Variants in RAB37 observed in about 807,000 individuals in gnomAD.
RAB37 encodes the protein ras-related protein Rab-37.
Under a neutral mutation model 33.1 loss-of-function variants are expected in RAB37, and 29 were observed. The ratio of observed to expected loss-of-function variants is 0.88; its 90% CI spans 0.65 to 1.20. RAB37 has a LOEUF of 1.20. RAB37 is among the 50% of genes most tolerant of loss of function. The pLI, the probability that RAB37 is intolerant of heterozygous loss-of-function variation, is 0.00. For missense variants in RAB37, 299 were observed against 301.1 expected, an observed-to-expected ratio of 0.99 and a Z score of 0.05; for synonymous variants, 128 against 119.5, an observed-to-expected ratio of 1.07 and a Z score of -0.47.
chr17:74,706,282 A>ATAT (rs1555586594), intron 1 of RAB37, among the ~76,000 whole-genome samples: 98 of 145,158 alleles, frequency 6.8e-4, no homozygotes, highest in East Asian at 5.6e-3. Context: ...GGAAAAAAAA[A>ATAT]ATATATATAT....
intron 1 of RAB37, chr17:74,712,718 C>G: frequency 8.6e-7 from 1 of 1,157,680 alleles, no homozygotes; most frequent in South Asian, 1.3e-5. Flanking sequence ...ACGCACAAGG[C>G]TCATGCCATT....
chr17:74,741,577 C>T (rs2034617404), intron 2 of RAB37, among the ~76,000 whole-genome samples: 1 of 115,072 alleles, frequency 8.7e-6, no homozygotes, highest in African/African-American at 3.7e-5. Flanking sequence ...CAAAGTGAGA[C>T]TGCGTCTCAG....
chr17:74,735,904 CACCT>C (rs2034467378), upstream of RAB37, among the ~76,000 whole-genome samples: 1 of 152,280 alleles, frequency 6.6e-6, no homozygotes, highest in South Asian at 2.1e-4. Context: ...CTCACCTCCA[CACCT>C]AAGTTAAGAA....
chr17:74,713,342 G>A (rs1435724620), intron 1 of RAB37, among the ~76,000 whole-genome samples: 1 of 151,772 alleles, frequency 6.6e-6, no homozygotes, highest in Non-Finnish European at 1.5e-5. Context: ...AGAGGAAGGA[G>A]GTGGAAAGGG....
At chr17:74,686,258 A>AT (rs1239753683) in intron 1 of RAB37, among the ~76,000 whole-genome samples, 2 of 151,576 alleles carry the variant, frequency 1.3e-5, no homozygotes, top group Non-Finnish European at 2.9e-5. Flanking sequence ...TGCCTGGCTA[A>AT]TTTTTTGTAT....
intron 1 of RAB37, chr17:74,704,752 C>A (rs1448451754): frequency 7.4e-6 from 12 of 1,614,154 alleles, no homozygotes; most frequent in Non-Finnish European, 9.3e-6. Flanking sequence ...ACTGCACGGT[C>A]AAGGAGCCCC....
At chr17:74,690,652 TA>T (rs2032142044) in intron 1 of RAB37, among the ~76,000 whole-genome samples, 1 of 152,194 alleles carries the variant, frequency 6.6e-6, no homozygotes. Context: ...TCTAGCACTC[TA>T]AACTCTAGCT....
chr17:74,723,212 T>C (rs533747171), intron 1 of RAB37, among the ~76,000 whole-genome samples: 2 of 152,332 alleles, frequency 1.3e-5, no homozygotes, highest in African/African-American at 4.8e-5. Flanking sequence ...GACTCAGGCA[T>C]ACAATGTCAG....
rs762182967 is a variant in RAB37, at chr17:74,671,573, G to A, written c.-14G>A. The A allele has an allele frequency of 6.2e-7, 1 of 1,614,014 alleles. No individual in the cohort carries two copies. The highest frequency in any genetic ancestry group is 1.1e-5 in the South Asian group (1 of 91,080). ...AGCGCAGGGAGAGCCGGAGCGGCGA[G>A]CTCCAAGCCTGGCATGGACCTGCAG... On this transcript the variant is annotated 5_prime_UTR_variant, in exon 1 of 8. Transcript: ENST00000340415. The surrounding 1 kb of genome is among the most constrained non-coding windows in gnomAD (Gnocchi z 5.0).
At chr17:74,698,171 G>A (rs1001929045) in intron 1 of RAB37, among the ~76,000 whole-genome samples, 15 of 152,198 alleles carry the variant, frequency 9.9e-5, no homozygotes, top group South Asian at 4.1e-4. Flanking sequence ...GGCAGGCGGC[G>A]AATGCCAAAA....
At chr17:74,681,921 G>A (rs1185696384) in intron 1 of RAB37, among the ~76,000 whole-genome samples, 2 of 152,164 alleles carry the variant, frequency 1.3e-5, no homozygotes, top group Non-Finnish European at 2.9e-5. Flanking sequence ...CTTCTGCCCT[G>A]CTCACTGATT....
intron 1 of RAB37, among the ~76,000 whole-genome samples, chr17:74,696,549 G>A (rs1369219652): frequency 1.3e-5 from 2 of 152,182 alleles, no homozygotes; most frequent in Non-Finnish European, 2.9e-5. Context: ...TCCCAACTCG[G>A]CCTGGAATTC....
Position 74,704,928 on chromosome 17 carries a change from AG to A in RAB37, c.73-24326del, listed in dbSNP as rs60289902. 1.2e-3 allele frequency: 1,022 copies of A among 849,194 alleles called. 8 individuals carry two copies. In the African/African-American group the frequency reaches 0.015, roughly 12 times the overall value. The allele number at this position is 849,194 out of a possible 1,614,324, so 52.6% of individuals were successfully genotyped here. ...AGTTTCACAGGTTAAATAACAGTCA[AG>A]GAAGAAATACACCTTCCGCAGACAA... On this transcript the variant is annotated intron_variant, in intron 1 of 7. Coordinates refer to the RAB37 transcript ENST00000340415.
At chr17:74,698,719 G>A in intron 1 of RAB37, 1 of 998,960 alleles carries the variant, frequency 1.0e-6, no homozygotes, top group Non-Finnish European at 1.4e-6. Context: ...ATGGAGGGTG[G>A]GAGGAAGCAA....
At chr17:74,703,619 TG>T (rs1008202223) in intron 1 of RAB37, among the ~76,000 whole-genome samples, 2 of 152,196 alleles carry the variant, frequency 1.3e-5, no homozygotes, top group Non-Finnish European at 2.9e-5. Context: ...ACTTCAATGA[TG>T]GGGATGCCCC....
chr17:74,736,192 G>T (rs1050883075), upstream of RAB37, among the ~76,000 whole-genome samples: 6 of 151,388 alleles, frequency 4.0e-5, no homozygotes, highest in African/African-American at 1.5e-4. Flanking sequence ...CAGGCTGGGC[G>T]ACAGAGTGAG....
chr17:74,742,910 C>G lies in RAB37; in HGVS notation c.247-219C>G, dbSNP rs2034655462. ...AAAGTGCTGGGATTACAGGTGTAAG[C>G]CACCGCGCTCGGCTGAGGAGATGAT... On this transcript the variant is annotated intron_variant, in intron 3 of 8. Coordinates refer to ENST00000392613, the MANE Select transcript of RAB37 (RefSeq NM_001006638.3). The surrounding 1 kb of genome is among the most constrained non-coding windows in gnomAD (Gnocchi z 4.0). Among the ~76,000 whole-genome samples, 1 of 152,156 alleles carries G rather than the reference C, an allele frequency of 6.6e-6. No homozygotes were observed. The highest frequency in any genetic ancestry group is 1.5e-5 in the Non-Finnish European group (1 of 68,026).
Position 74,731,880 on chromosome 17 carries a change from C to A in RAB37, c.183+2514C>A, listed in dbSNP as rs1309567729. ...AAAACGTTTGCCAGGCGTGGTGGCA[C>A]ACGCCTGTAATCCCAGCTACTTGGG... is the stretch of plus-strand genomic sequence containing the variant. On this transcript the variant is annotated intron_variant, in intron 2 of 7. Coordinates refer to the RAB37 transcript ENST00000340415. Among the ~76,000 whole-genome samples, 6 of 152,120 alleles carry A rather than the reference C, an allele frequency of 3.9e-5. 1 individual carries two copies. In the South Asian group the frequency reaches 1.0e-3, roughly 26 times the overall value.
intron 1 of RAB37, among the ~76,000 whole-genome samples, chr17:74,677,145 G>A (rs1187379323): frequency 6.6e-6 from 1 of 151,786 alleles, no homozygotes; most frequent in Non-Finnish European, 1.5e-5. Flanking sequence ...GTGAGACTCT[G>A]TCCCCCCACA....
Sources: allele counts gnomAD v4.1 joint callset (sites outside exome capture counted in the v4.1 genomes callset), GRCh38; gene constraint gnomAD v4.1.1; non-coding constraint Gnocchi (gnomAD v3.1); transcripts MANE v1.5; gene names NCBI Gene and HGNC (gene_info 2026-07-23, HGNC 2026-07-21).